Variants in SARAF observed in about 807,000 individuals in gnomAD.
SARAF encodes the protein store-operated calcium entry-associated regulatory factor.
SARAF carries 23 observed loss-of-function variants against 39.7 expected under a neutral mutation model. The ratio of observed to expected loss-of-function variants is 0.58; its 90% CI spans 0.42 to 0.82. The LOEUF (loss-of-function observed/expected upper bound fraction) is 0.82, where lower values mean the gene tolerates loss of function less well. SARAF is among the 40% of genes least tolerant of loss of function. The pLI, the probability that SARAF is intolerant of heterozygous loss-of-function variation, is 0.00. For synonymous variants in SARAF, 175 were observed against 168.5 expected (o/e 1.04, Z -0.30); for missense variants, 384 against 418.5 (o/e 0.92, Z 0.72).
rs1802146848 is a variant in SARAF, at chr8:30,083,019, G to A, written c.-70C>T. 2.5e-6 allele frequency: 3 copies of A among 1,214,050 alleles called. No individual in the cohort carries two copies. The highest frequency in any genetic ancestry group is 2.3e-6 in the Non-Finnish European group (2 of 876,166). The allele number at this position is 1,214,050 out of a possible 1,614,324, so 75.2% of individuals were successfully genotyped here. On this transcript the variant is annotated 5_prime_UTR_variant, in exon 1 of 6. Coordinates refer to ENST00000256255, the MANE Select transcript of SARAF (RefSeq NM_016127.6). The stretch of plus-strand genomic sequence containing the variant: ...CGAACCTGGGTGCGGTAGCGCGCGC[G>A]ACGCTGCGCAGCTACACCGCTACCC...
rs1802098360 is a variant in SARAF at position 30,081,610 on chromosome 8, A to G, written c.103+1237T>C. Among the ~76,000 whole-genome samples the G allele has an allele frequency of 2.0e-5, 3 of 152,272 alleles. No homozygotes were observed. In the South Asian group the frequency reaches 6.2e-4, roughly 31 times the overall value. On this transcript the variant is annotated intron_variant, in intron 1 of 5. Transcript: ENST00000256255. ...TCATTTCAGCATGTAAGAATAGGCTATTATAGAAATAAACCTGTTGCTTAA... is the reference window on the plus strand; with the variant it reads ...TCATTTCAGCATGTAAGAATAGGCTGTTATAGAAATAAACCTGTTGCTTAA...
rs930613349 is a variant in SARAF at position 30,073,801 on chromosome 8, G to A, written c.282+76C>T. On this transcript the variant is annotated intron_variant, in intron 2 of 5. Transcript: ENST00000256255. ...GATTTCCGTAGGTGCACCCTCAAAA[G>A]ACTGAATAATGTCCCAATAAACAAT... 8 of 1,345,652 alleles carry A rather than the reference G, an allele frequency of 5.9e-6. No homozygotes were observed. In the African/African-American group the frequency reaches 1.0e-4, roughly 17 times the overall value. The allele number at this position is 1,345,652 out of a possible 1,614,324, so 83.4% of individuals were successfully genotyped here. A position where few individuals can be genotyped will look rare whatever the true frequency, so the allele number is the denominator to read the frequency against.
At chr8:30,081,562 G>T (rs1411281451) in intron 1 of SARAF, among the ~76,000 whole-genome samples, 3 of 152,184 alleles carry the variant, frequency 2.0e-5, no homozygotes, top group Admixed American at 6.5e-5. Context: ...AACGTGATGT[G>T]CTTGCAAATA....
chr8:30,080,995 C>T (rs1004239870), intron 1 of SARAF, among the ~76,000 whole-genome samples: 1 of 152,054 alleles, frequency 6.6e-6, no homozygotes, highest in East Asian at 1.9e-4. Flanking sequence ...CAAAATTTGC[C>T]GGGCATGGTG....
rs1563351328 is a variant in SARAF, at chr8:30,066,837, G to A, written c.782C>T (p.Pro261Leu). 6.2e-7 allele frequency: 1 copy of A among 1,614,102 alleles called. No homozygotes were observed. The highest frequency in any genetic ancestry group is 1.7e-5 in the Admixed American group (1 of 60,022). Residue 261 changes from proline (P) to leucine (L), a missense_variant, in exon 4 of 6, where the codon CCA becomes CTA. Pro to Leu is a moderately conservative substitution (Grantham distance 98). Transcript: ENST00000256255. Reference sequence around the variant, plus strand: ...AGTTCCCAAGCCTGTCCAGAACCCTGGTCCTGAATTTTCATATCCTTGTTG... The same window carrying A: ...AGTTCCCAAGCCTGTCCAGAACCCTAGTCCTGAATTTTCATATCCTTGTTG... The part of the protein sequence containing the change: ...TGQQGYENSG[P>L]GFWTGLGTGG...
intron 1 of SARAF, 141 bp downstream of exon 1, chr8:30,082,706 G>A: frequency 1.7e-6 from 1 of 601,582 alleles, no homozygotes; most frequent in Non-Finnish European, 2.8e-6. Context: ...GGGAGAGCAC[G>A]AACAGCAAAG....
rs78420226 is a variant in SARAF, at chr8:30,080,815, T to C, written c.103+2032A>G. On this transcript the variant is annotated intron_variant, in intron 1 of 5. Transcript: ENST00000256255. ...ATGCTTTAGTAAAGGACTTAATAAA[T>C]AGTATGTCAATAAAGTATCTTCATT... 3.3e-5 allele frequency among the ~76,000 whole-genome samples: 5 copies of C among 152,206 alleles called. No homozygotes were observed. The East Asian group carries it at 5.8e-4, about 18-fold the overall frequency.
chr8:30,074,062 CA>C lies in SARAF; in HGVS notation c.104-8del. On this transcript the variant is annotated splice_region_variant and splice_polypyrimidine_tract_variant and intron_variant, in intron 1 of 5. Coordinates refer to ENST00000256255, the MANE Select transcript of SARAF (RefSeq NM_016127.6). ...TCCCGCAGCAACATTCTGTCTGAAA[CA>C]GCAAGAAAACAGAGGAACACAAAGT... The C allele has an allele frequency of 1.9e-6, 3 of 1,609,858 alleles. No individual in the cohort carries two copies. Among genetic ancestry groups the C allele is most frequent in the Non-Finnish European group, 8.5e-7 (1 of 1,177,098 alleles).
At chr8:30,069,529 GA>G (rs893977676) in intron 3 of SARAF, 112 bp downstream of exon 3, 1 of 1,108,154 alleles carries the variant, frequency 9.0e-7, no homozygotes, top group African/African-American at 1.6e-5. Flanking sequence ...AACAAAATGA[GA>G]AGACAAACCT....
intron 1 of SARAF, among the ~76,000 whole-genome samples, chr8:30,081,142 A>C (rs1235312300): frequency 1.3e-5 from 2 of 152,218 alleles, no homozygotes; most frequent in African/African-American, 2.4e-5. Context: ...TGTCTCAAAA[A>C]AACAAAACAA....
intron 5 of SARAF, among the ~76,000 whole-genome samples, chr8:30,064,538 T>TAC (rs1801627923): frequency 3.3e-5 from 2 of 60,052 alleles, no homozygotes; most frequent in African/African-American, 1.3e-4. Flanking sequence ...CCTAGCCATA[T>TAC]ATATATATAT....
intron 2 of SARAF, among the ~76,000 whole-genome samples, chr8:30,072,755 C>A (rs1327887776): frequency 6.6e-6 from 1 of 152,178 alleles, no homozygotes; most frequent in Non-Finnish European, 1.5e-5. Context: ...AGCCTTTCCT[C>A]TCTAAAAATG....
At chr8:30,075,924 TG>T (rs1397013293) in intron 1 of SARAF, among the ~76,000 whole-genome samples, 2 of 120,996 alleles carry the variant, frequency 1.7e-5, no homozygotes, top group Non-Finnish European at 3.2e-5. Flanking sequence ...GAAAGACAAA[TG>T]CCAGAACAGC....
Position 30,063,100 on chromosome 8 carries a change from CTTGT to C in SARAF, c.*784_*787del, listed in dbSNP as rs935260430. 3.3e-5 allele frequency: 5 copies of C among 152,016 alleles called. No homozygotes were observed. Among genetic ancestry groups the C allele is most frequent in the African/African-American group, 9.7e-5 (4 of 41,408 alleles). The allele number at this position is 152,016 out of a possible 1,614,324, so 9.4% of individuals were successfully genotyped here. ...TAATAGAAAGAATGAGACTAAACCC[CTTGT>C]TTGTTTTTATTGATTCTTTTTAAGA... is the stretch of plus-strand genomic sequence containing the variant. On this transcript the variant is annotated 3_prime_UTR_variant, in exon 6 of 6. Transcript: ENST00000256255.
At position 30,083,002 on chromosome 8, in the gene SARAF, G is replaced by C; in HGVS notation, c.-53C>G. 1 of 1,389,976 alleles carries C rather than the reference G, an allele frequency of 7.2e-7. No individual in the cohort carries two copies. The highest frequency in any genetic ancestry group is 2.3e-5 in the Admixed American group (1 of 42,742). 86.1% of individuals were successfully genotyped at this position (1,389,976 alleles called of 1,614,324 possible). ...GCCAGACGCCTACGGGCCGAACCTG[G>C]GTGCGGTAGCGCGCGCGACGCTGCG... On this transcript the variant is annotated 5_prime_UTR_variant, in exon 1 of 6. Transcript: ENST00000256255.
chr8:30,074,153 T>G (rs1801906626), intron 1 of SARAF, 98 bp from the exon 2 acceptor site: 1 of 1,369,198 alleles, frequency 7.3e-7, no homozygotes, highest in East Asian at 2.3e-5. Flanking sequence ...AATGCCTTTC[T>G]TGCCTTCTGA....
At chr8:30,066,750 C>CA in intron 4 of SARAF, 27 bp downstream of exon 4, 1 of 1,612,414 alleles carries the variant, frequency 6.2e-7, no homozygotes, top group Non-Finnish European at 8.5e-7. Flanking sequence ...AATTAAAGAG[C>CA]AAGTGAGATC....
chr8:30,074,103 AG>A (rs746639471), intron 1 of SARAF, 48 bp from the exon 2 acceptor site: 4 of 1,581,062 alleles, frequency 2.5e-6, no homozygotes, highest in East Asian at 4.5e-5. Context: ...ATCGTGTCAG[AG>A]AAAGAAAGGT....
At chr8:30,082,627 C>T in intron 1 of SARAF, 1 of 454,106 alleles carries the variant, frequency 2.2e-6, no homozygotes, top group Non-Finnish European at 3.9e-6. Flanking sequence ...GATCTCCAGC[C>T]GTCCCGCCCC....
Sources: allele counts gnomAD v4.1 joint callset (sites outside exome capture counted in the v4.1 genomes callset), GRCh38; gene constraint gnomAD v4.1.1; transcripts MANE v1.5; gene names NCBI Gene and HGNC (gene_info 2026-07-23, HGNC 2026-07-21).